The following DZANK1 variants were observed in gnomAD, a reference collection of about 807,000 sequenced individuals.
DZANK1 encodes the protein double zinc ribbon and ankyrin repeat-containing protein 1.
In DZANK1, 91 loss-of-function variants were observed where a neutral mutation model predicts 94.5. That is an observed-to-expected ratio of 0.96 (90% CI 0.81 to 1.15). The LOEUF (loss-of-function observed/expected upper bound fraction) is 1.15, where lower values mean the gene tolerates loss of function less well. Ranked by LOEUF, DZANK1 falls within the 50% of genes most tolerant of loss-of-function variation. DZANK1 has a pLI of 0.00. For synonymous variants in DZANK1, 312 were observed against 325.3 expected (o/e 0.96, Z 0.44); for missense variants, 903 against 916.4 (o/e 0.99, Z 0.19).
intron 19 of DZANK1, among the ~76,000 whole-genome samples, chr20:18,387,180 T>A (rs2048547531): frequency 6.6e-6 from 1 of 152,172 alleles, no homozygotes; most frequent in South Asian, 2.1e-4. Flanking sequence ...TTGCCGCATC[T>A]CCTAAGTAGA....
chr20:18,401,531 C>T (rs964889127), intron 13 of DZANK1, among the ~76,000 whole-genome samples: 5 of 152,218 alleles, frequency 3.3e-5, no homozygotes, highest in African/African-American at 9.6e-5. Flanking sequence ...ATCTCTGCTC[C>T]ACATGGTGTC....
At chr20:18,405,035 A>AT (rs1168905613) in intron 13 of DZANK1, among the ~76,000 whole-genome samples, 3 of 151,572 alleles carry the variant, frequency 2.0e-5, no homozygotes, top group Non-Finnish European at 4.4e-5. Context: ...CTCTACAAAA[A>AT]TTTTTTTTTA....
chr20:18,416,346 CG>C (rs1182992126), intron 10 of DZANK1, among the ~76,000 whole-genome samples: 1 of 152,194 alleles, frequency 6.6e-6, no homozygotes, highest in Non-Finnish European at 1.5e-5. Flanking sequence ...CAAGCTCCAC[CG>C]GCCAGCTTCC....
intron 19 of DZANK1, 63 bp downstream of exon 19, chr20:18,389,638 A>C: frequency 6.3e-7 from 1 of 1,598,492 alleles, no homozygotes; most frequent in Non-Finnish European, 8.5e-7. Context: ...CTTCTGCTGC[A>C]GTGGAGCTCC....
chr20:18,433,768 G>A lies in DZANK1; in HGVS notation c.748-3C>T, dbSNP rs770863050. 6.2e-7 allele frequency: 1 copy of A among 1,612,670 alleles called. No homozygotes were observed. The highest frequency in any genetic ancestry group is 1.1e-5 in the South Asian group (1 of 91,018). On this transcript the variant is annotated splice_region_variant and splice_polypyrimidine_tract_variant and intron_variant, in intron 8 of 20. Transcript: ENST00000262547. ...CTGCATTCTGCACACAAGCCCATCT[G>A]CACAAGGAAAAGGTCTGGTTTATCT... is the stretch of plus-strand genomic sequence containing the variant.
intron 8 of DZANK1, among the ~76,000 whole-genome samples, chr20:18,438,751 G>A (rs1768856859): frequency 6.6e-6 from 1 of 152,242 alleles, no homozygotes; most frequent in Admixed American, 6.5e-5. Flanking sequence ...TGGAGCCTGA[G>A]AAGTCCAAGA....
rs374183529 is a variant in DZANK1 at position 18,394,159 on chromosome 20, C to T, written c.1708+95G>A. On this transcript the variant is annotated intron_variant, in intron 16 of 20. Coordinates refer to ENST00000262547, the Ensembl canonical transcript of DZANK1. ...GGAACATAACTGCAAGATCTGTGAC[C>T]GGGCTGTCAAACTCTTAGCAGTTCT... The T allele has an allele frequency of 1.8e-4, 182 of 1,037,884 alleles. 1 individual carries two copies. The South Asian group carries it at 2.3e-3, about 13-fold the overall frequency. The allele number at this position is 1,037,884 out of a possible 1,614,324, so 64.3% of individuals were successfully genotyped here.
intron 14 of DZANK1, among the ~76,000 whole-genome samples, chr20:18,397,759 T>C (rs1213665064): frequency 2.6e-5 from 4 of 152,156 alleles, no homozygotes; most frequent in Non-Finnish European, 5.9e-5. Context: ...TAGTCACTCA[T>C]GTGGCTCATG....
Position 18,433,640 on chromosome 20 carries a change from A to C in DZANK1, c.861+12T>G, listed in dbSNP as rs1471920837. The C allele has an allele frequency of 6.2e-7, 1 of 1,610,450 alleles. No individual in the cohort carries two copies. The highest frequency in any genetic ancestry group is 8.5e-7 in the Non-Finnish European group (1 of 1,176,748). On this transcript the variant is annotated intron_variant, in intron 9 of 20. Transcript: ENST00000262547. ...ATTTCATTCATGTTTTTACAGAATCACATTTCATTACCTTCAAGTGGAGGC... is the reference window on the plus strand; with the variant it reads ...ATTTCATTCATGTTTTTACAGAATCCCATTTCATTACCTTCAAGTGGAGGC...
intron 3 of DZANK1, among the ~76,000 whole-genome samples, chr20:18,459,927 T>C (rs986780794): frequency 6.6e-6 from 1 of 152,140 alleles, no homozygotes; most frequent in Admixed American, 6.5e-5. Context: ...AGTATTAATA[T>C]ACATAACACT....
rs147600692 is a variant in DZANK1 at position 18,444,824 on chromosome 20, G to A, written c.630-1360C>T. Reference sequence around the variant, plus strand: ...TTTATTTATTTATTTATTTAGAGACGGAGTCTTGCTCTGTCGCCCAGATTG... The same window carrying A: ...TTTATTTATTTATTTATTTAGAGACAGAGTCTTGCTCTGTCGCCCAGATTG... On this transcript the variant is annotated intron_variant, in intron 7 of 20. Coordinates refer to ENST00000262547, the Ensembl canonical transcript of DZANK1. Among the ~76,000 whole-genome samples, 753 of 152,092 alleles carry A rather than the reference G, an allele frequency of 5.0e-3. 5 individuals are homozygous for A. Among genetic ancestry groups the A allele is most frequent in the African/African-American group, 0.01 (419 of 41,484 alleles).
rs2057530703 is a variant in DZANK1, at chr20:18,417,054, A to G, written c.955-1605T>C. On this transcript the variant is annotated intron_variant, in intron 10 of 20. Transcript: ENST00000262547. ...AAAAACAAAAAAAAAAAAGAAGAGA[A>G]AGAAAAGTTATCTTACCCCATCATA... is the stretch of plus-strand genomic sequence containing the variant. Among the ~76,000 whole-genome samples the G allele has an allele frequency of 2.6e-5, 4 of 151,218 alleles. No individual in the cohort carries two copies. The South Asian group carries it at 8.3e-4, about 31-fold the overall frequency.
chr20:18,442,984 T>C (rs1289226508), intron 8 of DZANK1, among the ~76,000 whole-genome samples: 1 of 152,236 alleles, frequency 6.6e-6, no homozygotes, highest in Non-Finnish European at 1.5e-5. Flanking sequence ...TATAGATATA[T>C]AGAGACATAA....
chr20:18,409,790 C>A lies in DZANK1; in HGVS notation c.1432+2856G>T, dbSNP rs138587448. 8.5e-3 allele frequency among the ~76,000 whole-genome samples: 1,294 copies of A among 152,164 alleles called. 12 individuals are homozygous for A. The highest frequency in any genetic ancestry group is 0.047 in the South Asian group (227 of 4,824). On this transcript the variant is annotated intron_variant, in intron 13 of 20. Coordinates refer to ENST00000262547, the Ensembl canonical transcript of DZANK1. ...AACAACACAAAGAAGGTGGGTGAGGCCAGGCGTGGTGGCTCACGCCTGTAA... is the reference window on the plus strand; with the variant it reads ...AACAACACAAAGAAGGTGGGTGAGGACAGGCGTGGTGGCTCACGCCTGTAA...
At chr20:18,449,149 C>A in intron 6 of DZANK1, 80 bp from the exon 7 acceptor site, 1 of 1,096,392 alleles carries the variant, frequency 9.1e-7, no homozygotes, top group Non-Finnish European at 1.4e-6. Flanking sequence ...AGTAAAATTC[C>A]ATTAAAAATC....
At chr20:18,456,631 T>C in intron 3 of DZANK1, among the ~76,000 whole-genome samples, 1 of 152,340 alleles carries the variant, frequency 6.6e-6, no homozygotes, top group Non-Finnish European at 1.5e-5. Flanking sequence ...TATAGTTTTG[T>C]CTTTTCTAGA....
intron 1 of DZANK1, among the ~76,000 whole-genome samples, chr20:18,466,235 T>C (rs865956766): frequency 2.0e-5 from 3 of 152,256 alleles, no homozygotes; most frequent in Non-Finnish European, 4.4e-5. Context: ...ATTCCATTTT[T>C]ATAGTCTACT....
chr20:18,424,124 A>C (rs1432111481), intron 10 of DZANK1, among the ~76,000 whole-genome samples: 1 of 152,188 alleles, frequency 6.6e-6, no homozygotes, highest in Non-Finnish European at 1.5e-5. Flanking sequence ...CATACATTAA[A>C]ATGGTAAAAA....
exon 9 of DZANK1, chr20:18,433,754 A>G: frequency 6.2e-7 from 1 of 1,613,984 alleles, no homozygotes; most frequent in Non-Finnish European, 8.5e-7. Context: ...TGCATTCTGC[A>G]CACAAGCCCA....
Sources: gnomAD v4.1 joint callset for allele counts (sites outside exome capture counted in the v4.1 genomes callset) on GRCh38, gnomAD v4.1.1 for gene constraint, MANE v1.5 for transcripts, NCBI Gene and HGNC (gene_info 2026-07-23, HGNC 2026-07-21) for gene names.